TPD52L2: variants seen among roughly 807,000 people sequenced by gnomAD.
TPD52L2 encodes the protein TPD52 like 2.
TPD52L2 carries 19 observed loss-of-function variants against 24.7 expected under a neutral mutation model. That is an observed-to-expected ratio of 0.77 (90% CI 0.54 to 1.13). The LOEUF is 1.13. Ranked by LOEUF, TPD52L2 falls within the 50% of genes most tolerant of loss-of-function variation. The pLI is 0.00. For synonymous variants in TPD52L2, 104 were observed against 100.2 expected, an observed-to-expected ratio of 1.04 and a Z score of -0.23; for missense variants, 236 against 250.4, an observed-to-expected ratio of 0.94 and a Z score of 0.39.
intron 6 of TPD52L2, 77 bp from the exon 7 acceptor site, chr20:63,889,773 G>A: frequency 7.1e-7 from 1 of 1,399,866 alleles, no homozygotes. Context: ...GTAGAGCATT[G>A]AGCATGGGCC....
intron 4 of TPD52L2, among the ~76,000 whole-genome samples, chr20:63,878,544 C>T (rs2052776049): frequency 1.3e-5 from 2 of 152,236 alleles, no homozygotes; most frequent in Admixed American, 6.5e-5. Context: ...CCTGCCCCCA[C>T]TGCTGCAGCC....
In TPD52L2 at chr20:63,889,964, C is replaced by G; in HGVS notation, c.*19C>G. 6.2e-7 allele frequency: 1 copy of G among 1,613,682 alleles called. No individual in the cohort carries two copies. Among genetic ancestry groups the G allele is most frequent in the Non-Finnish European group, 8.5e-7 (1 of 1,180,008 alleles). The stretch of plus-strand genomic sequence containing the variant: ...TTTCTAAGCCTGTGGTTGCTTCACC[C>G]GCTGCAGAGCACACGCAACCCAGCC... On this transcript the variant is annotated 3_prime_UTR_variant, in exon 7 of 7. Coordinates refer to ENST00000346249, the MANE Select transcript of TPD52L2 (RefSeq NM_003288.4).
At chr20:63,886,334 G>A (rs1325369755) in intron 5 of TPD52L2, among the ~76,000 whole-genome samples, 2 of 151,432 alleles carry the variant, frequency 1.3e-5, no homozygotes, top group South Asian at 2.1e-4. Flanking sequence ...CTGGCCTGGC[G>A]TCCAGGCCTG....
rs900156071 is a variant in TPD52L2 at position 63,877,016 on chromosome 20, T to A, written c.374+1141T>A. On this transcript the variant is annotated intron_variant, in intron 4 of 6. Coordinates refer to ENST00000346249, the MANE Select transcript of TPD52L2 (RefSeq NM_003288.4). The surrounding 1 kb of genome is among the most constrained non-coding windows in gnomAD (Gnocchi z 4.1). Reference sequence around the variant, plus strand: ...GTGGTTCATGGCATGTTGCCCTGGGTTTTTTTTGTTTGTTTGGTTTTTTTT... The same window carrying A: ...GTGGTTCATGGCATGTTGCCCTGGGATTTTTTTGTTTGTTTGGTTTTTTTT... 2.3e-6 allele frequency: 1 copy of A among 443,224 alleles called. No individual in the cohort carries two copies. The highest frequency in any genetic ancestry group is 4.5e-6 in the Non-Finnish European group (1 of 223,578). 27.5% of individuals were successfully genotyped at this position (443,224 alleles called of 1,614,324 possible).
chr20:63,882,149 G>T (rs1568954706), intron 4 of TPD52L2, among the ~76,000 whole-genome samples: 1 of 152,260 alleles, frequency 6.6e-6, no homozygotes, highest in Non-Finnish European at 1.5e-5. Flanking sequence ...CTTGCGGGCT[G>T]CATGGCCACT....
At chr20:63,867,189 G>A (rs2052283352) in intron 1 of TPD52L2, among the ~76,000 whole-genome samples, 1 of 151,962 alleles carries the variant, frequency 6.6e-6, no homozygotes, top group South Asian at 2.1e-4. Flanking sequence ...TCTGACCTCA[G>A]GTGATCTGCC....
At chr20:63,878,257 G>T (rs994533693) in intron 4 of TPD52L2, among the ~76,000 whole-genome samples, 2 of 152,256 alleles carry the variant, frequency 1.3e-5, no homozygotes, top group Admixed American at 1.3e-4. Flanking sequence ...TAGCACTGGT[G>T]CCTGGCCCCA....
At chr20:63,875,141 C>CAA (rs869224477) in intron 3 of TPD52L2, among the ~76,000 whole-genome samples, 109 of 131,852 alleles carry the variant, frequency 8.3e-4, no homozygotes, top group East Asian at 4.4e-3. Context: ...GACTCTGTCT[C>CAA]AAAAAAAAAA....
intron 3 of TPD52L2, among the ~76,000 whole-genome samples, chr20:63,874,910 C>T (rs1476599175): frequency 1.3e-5 from 2 of 151,958 alleles, no homozygotes; most frequent in African/African-American, 4.8e-5. Flanking sequence ...GAGGCTGAGG[C>T]GGGTGTATCA....
At chr20:63,878,281 C>T (rs889808423) in intron 4 of TPD52L2, among the ~76,000 whole-genome samples, 17 of 152,236 alleles carry the variant, frequency 1.1e-4, no homozygotes, top group African/African-American at 2.2e-4. Flanking sequence ...GGCTGCAATG[C>T]GGCCACATTC....
chr20:63,879,516 T>A (rs951619681), intron 4 of TPD52L2, among the ~76,000 whole-genome samples: 1 of 152,162 alleles, frequency 6.6e-6, no homozygotes, highest in Non-Finnish European at 1.5e-5. Context: ...CCACATCTCA[T>A]TCTGAAGGCC....
In TPD52L2 at chr20:63,877,548, A is replaced by T. The variant is rs1212139387; in HGVS notation, c.374+1673A>T. Among the ~76,000 whole-genome samples the T allele has an allele frequency of 6.6e-6, 1 of 152,102 alleles. No homozygotes were observed. The highest frequency in any genetic ancestry group is 1.5e-5 in the Non-Finnish European group (1 of 68,000). ...GGCAGCAGATGGTTCCTAGGTTGGG[A>T]CAGTGACGGTCATCCTTGCAGTTTG... is the stretch of plus-strand genomic sequence containing the variant. On this transcript the variant is annotated intron_variant, in intron 4 of 6. Coordinates refer to ENST00000346249, the MANE Select transcript of TPD52L2 (RefSeq NM_003288.4). This position sits in a 1 kb window ranked among gnomAD's most constrained non-coding sequence, Gnocchi z 4.1.
chr20:63,865,649 C>T (rs935767563), intron 1 of TPD52L2, among the ~76,000 whole-genome samples: 1 of 152,228 alleles, frequency 6.6e-6, no homozygotes, highest in African/African-American at 2.4e-5. Context: ...GGTTCCCTGG[C>T]GCCCGCCGTT....
At chr20:63,867,406 A>C (rs1481492574) in intron 1 of TPD52L2, among the ~76,000 whole-genome samples, 1 of 152,152 alleles carries the variant, frequency 6.6e-6, no homozygotes, top group Non-Finnish European at 1.5e-5. Flanking sequence ...TCTCTACTAA[A>C]AATAAAAAAA....
intron 4 of TPD52L2, among the ~76,000 whole-genome samples, chr20:63,879,754 G>T (rs1388404293): frequency 7.7e-6 from 1 of 129,178 alleles, no homozygotes; most frequent in Non-Finnish European, 1.6e-5. Flanking sequence ...ACAAATGCAG[G>T]TGCAGCTTTC....
chr20:63,865,906 C>T (rs1224595326), intron 1 of TPD52L2, among the ~76,000 whole-genome samples: 1 of 152,150 alleles, frequency 6.6e-6, no homozygotes, highest in Non-Finnish European at 1.5e-5. Flanking sequence ...GGGGTTGCCT[C>T]ATGGAGAGGG....
chr20:63,868,261 C>T (rs899504378), intron 1 of TPD52L2, among the ~76,000 whole-genome samples: 6 of 152,184 alleles, frequency 3.9e-5, no homozygotes, highest in African/African-American at 1.4e-4. Context: ...GAAAGTGTTA[C>T]AATAGTCATG....
At chr20:63,887,586 A>G (rs1457058125) in intron 5 of TPD52L2, 4 of 1,613,434 alleles carry the variant, frequency 2.5e-6, no homozygotes, top group African/African-American at 1.3e-5. Context: ...CCGCCACTCA[A>G]TAAGTATGCC....
intron 1 of TPD52L2, among the ~76,000 whole-genome samples, chr20:63,866,038 A>T (rs188806056): frequency 6.6e-6 from 1 of 152,340 alleles, no homozygotes; most frequent in Non-Finnish European, 1.5e-5. Flanking sequence ...AATCTTGAGA[A>T]GATGATAAAA....
Sources: allele counts gnomAD v4.1 joint callset (sites outside exome capture counted in the v4.1 genomes callset), GRCh38; gene constraint gnomAD v4.1.1; non-coding constraint Gnocchi (gnomAD v3.1); transcripts MANE v1.5; gene names NCBI Gene and HGNC (gene_info 2026-07-23, HGNC 2026-07-21).